The following ZP3 variants were observed in gnomAD, a reference collection of about 807,000 sequenced individuals.
ZP3 encodes zona pellucida glycoprotein 3.
ZP3 carries 21 observed loss-of-function variants against 35.6 expected under a neutral mutation model. The observed-to-expected ratio is 0.59, with a 90% CI of 0.42 to 0.85. The LOEUF (loss-of-function observed/expected upper bound fraction) is 0.85. ZP3 is among the 40% of genes least tolerant of loss of function. The probability of loss-of-function intolerance (pLI) is 0.00; values close to 1 mark genes in which losing one functional copy is unlikely to be tolerated. For synonymous variants in ZP3, 207 were observed against 214.5 expected (o/e 0.96, Z 0.31); for missense variants, 437 against 536.5 (o/e 0.81, Z 1.83).
intron 1 of ZP3, among the ~76,000 whole-genome samples, chr7:76,401,650 C>G (rs1205843961): frequency 1.3e-5 from 2 of 152,198 alleles, no homozygotes; most frequent in Non-Finnish European, 2.9e-5. Context: ...CTCCTGACCT[C>G]AGGTAATCCA....
chr7:76,433,834 G>C lies in ZP3; in HGVS notation c.713+187G>C, dbSNP rs149650571. Reference sequence around the variant, plus strand: ...CTGCCTCAGCCCCCCAAGTAGCTGAGATTACAGGTGCCCATCACCATGCCT... The same window carrying C: ...CTGCCTCAGCCCCCCAAGTAGCTGACATTACAGGTGCCCATCACCATGCCT... On this transcript the variant is annotated intron_variant, in intron 4 of 7. Coordinates refer to ENST00000394857, the MANE Select transcript of ZP3 (RefSeq NM_001110354.2). 1.7e-4 allele frequency: 177 copies of C among 1,059,022 alleles called. No individual in the cohort carries two copies. The African/African-American group carries it at 2.6e-3, about 16-fold the overall frequency. The allele number at this position is 1,059,022 out of a possible 1,614,324, so 65.6% of individuals were successfully genotyped here.
intron 1 of ZP3, chr7:76,409,450 C>T (rs1335808652): frequency 6.6e-6 from 1 of 152,280 alleles, no homozygotes; most frequent in Non-Finnish European, 1.5e-5. Context: ...GTCCCTTCTT[C>T]TACAGTCAAT....
rs1428909533 is a variant in ZP3 at position 76,397,556 on chromosome 7, T to C, written c.-308T>C. The C allele has an allele frequency of 3.1e-6, 5 of 1,602,102 alleles. No individual in the cohort carries two copies. The East Asian group carries it at 6.8e-5, about 22-fold the overall frequency. ...GCCCGCGTCCTCGTGGTGGCCGCAG[T>C]TGTGCACACCCCAGCCCAGGCTCTG... is the stretch of plus-strand genomic sequence containing the variant. On this transcript the variant is annotated 5_prime_UTR_variant, in exon 1 of 9. Transcript: ENST00000336517.
chr7:76,397,874 C>T, intron 1 of ZP3: 4 of 1,478,540 alleles, frequency 2.7e-6, no homozygotes, highest in Non-Finnish European at 3.6e-6. Flanking sequence ...TCCCACTGGC[C>T]TCTGCCCCCG....
At chr7:76,423,892 G>C (rs549906987), upstream of ZP3, among the ~76,000 whole-genome samples, 1 of 151,830 alleles carries the variant, frequency 6.6e-6, no homozygotes, top group Non-Finnish European at 1.5e-5. Context: ...GTCGGGGTGA[G>C]CTGAAGCCAA....
At chr7:76,434,990 A>AG (rs1162583234) in intron 5 of ZP3, among the ~76,000 whole-genome samples, 1 of 152,174 alleles carries the variant, frequency 6.6e-6, no homozygotes, top group African/African-American at 2.4e-5. Flanking sequence ...GAGGTGGGGG[A>AG]GGGATGCAGT....
chr7:76,416,885 C>CATAT (rs1485817540), intron 1 of ZP3, among the ~76,000 whole-genome samples: 1 of 139,746 alleles, frequency 7.2e-6, no homozygotes, highest in African/African-American at 3.0e-5. Context: ...TACACACATA[C>CATAT]ATATATATAC....
chr7:76,405,302 T>TATATATATATATAC (rs1804971155), intron 1 of ZP3, among the ~76,000 whole-genome samples: 3 of 58,366 alleles, frequency 5.1e-5, no homozygotes, highest in Non-Finnish European at 9.5e-5. Flanking sequence ...TATATATATA[T>TATATATATATATAC]ATATATATAT....
At chr7:76,398,751 T>C (rs763951008) in intron 1 of ZP3, 14 of 1,613,620 alleles carry the variant, frequency 8.7e-6, no homozygotes, top group Non-Finnish European at 1.2e-5. Flanking sequence ...TAGGAGGTGC[T>C]CTACTGGTTA....
intron 1 of ZP3, among the ~76,000 whole-genome samples, chr7:76,413,218 C>A (rs1805291571): frequency 6.6e-6 from 1 of 151,800 alleles, no homozygotes; most frequent in South Asian, 2.1e-4. Flanking sequence ...AACTCGGCCT[C>A]CCAAAGTGCT....
At chr7:76,438,129 T>C (rs1584073817) in intron 5 of ZP3, among the ~76,000 whole-genome samples, 1 of 152,214 alleles carries the variant, frequency 6.6e-6, no homozygotes, top group South Asian at 2.1e-4. Context: ...CTGCCCGAGG[T>C]TGAGCAGGGA....
rs780951371 is a variant in ZP3 at position 76,433,521 on chromosome 7, C to T, written c.587C>T (p.Ala196Val). The change falls in exon 4 of 8, where the codon GCC becomes GTC. Residue 196 changes from alanine (A) to valine (V), a missense_variant. Around this residue, in one of 6 missense-constraint regions of ZP3, gnomAD observed 352 missense variants for 308.4 expected, o/e 1.14. Transcript: ENST00000394857. ...RSPTFHLGDA[A>V]HLQAEIHTGS... The stretch of plus-strand genomic sequence containing the variant: ...CCCACCTTCCACCTGGGAGATGCAG[C>T]CCACCTCCAGGCAGAAATCCACACT... 6.2e-7 allele frequency: 1 copy of T among 1,614,132 alleles called. No homozygotes were observed.
At chr7:76,416,865 C>A (rs1250427515) in intron 1 of ZP3, among the ~76,000 whole-genome samples, 1 of 145,508 alleles carries the variant, frequency 6.9e-6, no homozygotes, top group African/African-American at 2.6e-5. Context: ...CATATATATA[C>A]ACACATATAT....
At chr7:76,436,744 G>C (rs1260996779) in intron 5 of ZP3, among the ~76,000 whole-genome samples, 2 of 152,170 alleles carry the variant, frequency 1.3e-5, no homozygotes, top group African/African-American at 2.4e-5. Flanking sequence ...GCTCCTTAGG[G>C]GAGAGGATCC....
At chr7:76,422,015 G>C (rs1805515361), upstream of ZP3, among the ~76,000 whole-genome samples, 1 of 152,082 alleles carries the variant, frequency 6.6e-6, no homozygotes, top group Admixed American at 6.6e-5. Flanking sequence ...TCCCGCCTCA[G>C]CCTCCCAAGT....
intron 4 of ZP3, 137 bp from the exon 5 acceptor site, chr7:76,433,901 G>A (rs1426029418): frequency 2.3e-6 from 2 of 879,966 alleles, no homozygotes; most frequent in Non-Finnish European, 3.5e-6. Context: ...GTTTCACCAT[G>A]TTTGCCAGGC....
At chr7:76,414,051 C>A (rs1217939012) in intron 1 of ZP3, among the ~76,000 whole-genome samples, 2 of 147,234 alleles carry the variant, frequency 1.4e-5, no homozygotes, top group Non-Finnish European at 3.0e-5. Flanking sequence ...GGCTGGAGTG[C>A]AGTGGCGTGA....
At chr7:76,440,109 A>G in intron 5 of ZP3, 141 bp from the exon 6 acceptor site, 6 of 1,450,632 alleles carry the variant, frequency 4.1e-6, no homozygotes, top group Non-Finnish European at 5.5e-6. Flanking sequence ...GGGCTCCCAA[A>G]GTGCTGGGAT....
chr7:76,399,764 T>C (rs1292143666), intron 1 of ZP3, among the ~76,000 whole-genome samples: 1 of 152,136 alleles, frequency 6.6e-6, no homozygotes, highest in Non-Finnish European at 1.5e-5. Context: ...GCTCAAGCAA[T>C]CTTGCCACCT....
Sources: allele counts gnomAD v4.1 joint callset (sites outside exome capture counted in the v4.1 genomes callset), GRCh38; gene constraint gnomAD v4.1.1; regional missense constraint gnomAD v4.1.1; transcripts MANE v1.5; gene names NCBI Gene and HGNC (gene_info 2026-07-23, HGNC 2026-07-21).